Variants in TTLL8 observed in about 807,000 individuals in gnomAD.
TTLL8 encodes the protein protein monoglycylase TTLL8.
Under a neutral mutation model 77.8 loss-of-function variants are expected in TTLL8, and 65 were observed. The observed-to-expected ratio is 0.84, with a 90% CI of 0.68 to 1.03. The LOEUF is 1.03. Ranked by LOEUF, TTLL8 falls within the 50% of genes least tolerant of loss-of-function variation. The pLI, the probability that TTLL8 is intolerant of heterozygous loss-of-function variation, is 0.00. For missense variants in TTLL8, 910 were observed against 1,004.5 expected (o/e 0.91, Z 1.27); for synonymous variants, 402 against 422.8 (o/e 0.95, Z 0.60).
chr22:50,057,661 A>G (rs867579243), upstream of TTLL8, among the ~76,000 whole-genome samples: 10 of 27,036 alleles, frequency 3.7e-4, no homozygotes, highest in African/African-American at 8.6e-4. Flanking sequence ...CTGGGTTGGG[A>G]GATCAGGTCT....
chr22:50,021,928 CCTGACATGCAG>C (rs2061204154), intron 12 of TTLL8, among the ~76,000 whole-genome samples: 2 of 70,868 alleles, frequency 2.8e-5, no homozygotes, highest in Admixed American at 1.4e-4. Flanking sequence ...TACTCCTCCA[CCTGACATGCAG>C]TCCTCCATCT....
intron 12 of TTLL8, among the ~76,000 whole-genome samples, chr22:50,028,630 ATACCCTCGTAAAGACCC>A (rs2061249405): frequency 1.4e-5 from 1 of 73,316 alleles, no homozygotes; most frequent in African/African-American, 4.4e-5. Flanking sequence ...AGACCCCCAC[ATACCCTCGTAAAGACCC>A]CATCACACCA....
At chr22:50,047,226 C>T (rs767752714) in exon 4 of TTLL8, 5 of 1,367,538 alleles carry the variant, frequency 3.7e-6, no homozygotes, top group Non-Finnish European at 9.8e-7. Context: ...GTAGGTCAGG[C>T]TGTGATAGTC....
Position 50,049,068 on chromosome 22 carries a change from G to A in TTLL8, c.264+181C>T, listed in dbSNP as rs1177869827. The A allele has an allele frequency of 5.6e-5, 47 of 841,634 alleles. 1 individual carries two copies. Among genetic ancestry groups the A allele is most frequent in the Non-Finnish European group, 6.6e-5 (46 of 698,934 alleles). The allele number at this position is 841,634 out of a possible 1,614,324, so 52.1% of individuals were successfully genotyped here. ...CGGCTCATCCAGCACCGAAGGGCTCGCCCCACCCCTGGGGGCAGCCAGGCC... is the reference window on the plus strand; with the variant it reads ...CGGCTCATCCAGCACCGAAGGGCTCACCCCACCCCTGGGGGCAGCCAGGCC... On this transcript the variant is annotated intron_variant, in intron 3 of 13. Coordinates refer to ENST00000266182, the Ensembl canonical transcript of TTLL8.
chr22:50,034,861 C>T lies in TTLL8; in HGVS notation c.922-399G>A, dbSNP rs1379936185. Among the ~76,000 whole-genome samples the T allele has an allele frequency of 6.6e-6, 1 of 152,152 alleles. No individual in the cohort carries two copies. Among genetic ancestry groups the T allele is most frequent in the South Asian group, 2.1e-4 (1 of 4,832 alleles). ...AGGCGGGGGCAGACGCAGCCATGCC[C>T]AGCTTCCGCCTGTGGTTGGTGGTGC... On this transcript the variant is annotated intron_variant, in intron 8 of 13. Coordinates refer to ENST00000266182, the Ensembl canonical transcript of TTLL8. The surrounding 1 kb of genome is among the most constrained non-coding windows in gnomAD (Gnocchi z 4.1).
chr22:50,039,041 A>G (rs945921579), intron 8 of TTLL8, among the ~76,000 whole-genome samples: 1 of 152,300 alleles, frequency 6.6e-6, no homozygotes, highest in African/African-American at 2.4e-5. Context: ...TTCACATTTC[A>G]CTGGTTTAAT....
At chr22:50,030,783 C>G (rs1375243055) in exon 12 of TTLL8, 3 of 1,347,892 alleles carry the variant, frequency 2.2e-6, no homozygotes, top group Non-Finnish European at 3.0e-6. Flanking sequence ...CGAGGGGCCC[C>G]GTGCCTTCAG....
upstream of TTLL8, among the ~76,000 whole-genome samples, chr22:50,057,280 G>GA (rs2061477131): frequency 6.9e-6 from 1 of 145,604 alleles, no homozygotes; most frequent in East Asian, 2.1e-4. Flanking sequence ...GTCTGGGCTT[G>GA]GGGGTCAGGT....
chr22:50,021,668 CG>C (rs2061201447), intron 12 of TTLL8, among the ~76,000 whole-genome samples: 3 of 114,572 alleles, frequency 2.6e-5, no homozygotes, highest in Admixed American at 9.0e-5. Flanking sequence ...CTCCATCTGA[CG>C]ACGTGCACTC....
intron 6 of TTLL8, among the ~76,000 whole-genome samples, chr22:50,043,765 G>A (rs1342979573): frequency 6.6e-6 from 1 of 152,196 alleles, no homozygotes; most frequent in Non-Finnish European, 1.5e-5. Flanking sequence ...AAGCCCATCT[G>A]AAAACGCTCC....
rs984753103 is a variant in TTLL8 at position 50,032,362 on chromosome 22, A to C, written c.1284-253T>G. ...TGGAGGCCCAGAAATGGGCGCTGGC[A>C]GGGGGCCCTGGCTTCTCACTGCCCT... On this transcript the variant is annotated intron_variant, in intron 10 of 13. Transcript: ENST00000266182. Among the ~76,000 whole-genome samples the C allele has an allele frequency of 8.5e-5, 13 of 152,332 alleles. No individual in the cohort carries two copies. The East Asian group carries it at 1.2e-3, about 14-fold the overall frequency.
At chr22:50,031,053 A>G (rs1387639296) in intron 11 of TTLL8, 128 bp from the exon 13 acceptor site, 2 of 849,140 alleles carry the variant, frequency 2.4e-6, no homozygotes, top group Non-Finnish European at 3.1e-6. Flanking sequence ...TGAACAGTGA[A>G]CACCTGGGGT....
At chr22:50,042,946 A>C (rs2061380840) in intron 6 of TTLL8, among the ~76,000 whole-genome samples, 1 of 152,242 alleles carries the variant, frequency 6.6e-6, no homozygotes, top group Admixed American at 6.5e-5. Context: ...TACAAAATGA[A>C]ACATACTCTT....
upstream of TTLL8, among the ~76,000 whole-genome samples, chr22:50,056,453 C>G (rs1450003151): frequency 1.3e-5 from 2 of 152,246 alleles, no homozygotes; most frequent in African/African-American, 4.8e-5. This position sits in a 1 kb window ranked among gnomAD's most constrained non-coding sequence, Gnocchi z 4.1. Flanking sequence ...GGTTGGGGGA[C>G]CTTCTAAAGC....
At chr22:50,057,535 A>G (rs866963786), upstream of TTLL8, among the ~76,000 whole-genome samples, 47 of 4,748 alleles carry the variant, frequency 9.9e-3, no homozygotes, top group African/African-American at 0.027. Context: ...GTCTGGGTTG[A>G]GCGGGAGGTC....
chr22:50,023,260 A>C (rs2146626281), intron 12 of TTLL8, among the ~76,000 whole-genome samples: 1 of 152,376 alleles, frequency 6.6e-6, no homozygotes, highest in Admixed American at 6.5e-5. Context: ...AAACTGAAAA[A>C]AACCTAAATA....
rs1262850707 is a variant in TTLL8 at position 50,034,843 on chromosome 22, G to A, written c.922-381C>T. Among the ~76,000 whole-genome samples, 1 of 152,210 alleles carries A rather than the reference G, an allele frequency of 6.6e-6. No individual in the cohort carries two copies. The highest frequency in any genetic ancestry group is 1.5e-5 in the Non-Finnish European group (1 of 68,038). Reference sequence around the variant, plus strand: ...CGGAAACGTGGGAGACACAGGCGGGGGCAGACGCAGCCATGCCCAGCTTCC... The same window carrying A: ...CGGAAACGTGGGAGACACAGGCGGGAGCAGACGCAGCCATGCCCAGCTTCC... On this transcript the variant is annotated intron_variant, in intron 8 of 13. Transcript: ENST00000266182. The surrounding 1 kb of genome is among the most constrained non-coding windows in gnomAD (Gnocchi z 4.1).
intron 11 of TTLL8, 81 bp downstream of exon 12, chr22:50,031,605 C>T: frequency 2.5e-6 from 3 of 1,200,094 alleles, no homozygotes; most frequent in Non-Finnish European, 3.2e-6. Context: ...GCCTGCAGCT[C>T]CACCCTCGCC....
Position 50,034,476 on chromosome 22 carries a change from T to A in TTLL8, c.922-14A>T. ...CAGAGCCTGGCACTGCGAAAAGTAA[T>A]TTCTTGAATTGGAGATGAAAGCATC... On this transcript the variant is annotated splice_polypyrimidine_tract_variant and intron_variant, in intron 8 of 13. Transcript: ENST00000266182. The surrounding 1 kb of genome is among the most constrained non-coding windows in gnomAD (Gnocchi z 4.1). 7.3e-7 allele frequency: 1 copy of A among 1,365,182 alleles called. No individual in the cohort carries two copies. Among genetic ancestry groups the A allele is most frequent in the Non-Finnish European group, 9.8e-7 (1 of 1,021,240 alleles). 84.6% of individuals were successfully genotyped at this position (1,365,182 alleles called of 1,614,324 possible).
Sources: allele counts gnomAD v4.1 joint callset (sites outside exome capture counted in the v4.1 genomes callset), GRCh38; gene constraint gnomAD v4.1.1; non-coding constraint Gnocchi (gnomAD v3.1); transcripts MANE v1.5; gene names NCBI Gene and HGNC (gene_info 2026-07-23, HGNC 2026-07-21).